The following STPG2 variants were observed in gnomAD, a reference collection of about 807,000 sequenced individuals.
The protein encoded by STPG2 is sperm tail PG-rich repeat containing 2, also known as sperm-tail PG-rich repeat-containing protein 2.
STPG2 carries 56 observed loss-of-function variants against 54.2 expected under a neutral mutation model. The ratio of observed to expected loss-of-function variants is 1.03; its 90% CI spans 0.83 to 1.29. The LOEUF (loss-of-function observed/expected upper bound fraction) is 1.29, where lower values mean the gene tolerates loss of function less well. STPG2 is among the 50% of genes most tolerant of loss of function. The pLI is 0.00. For synonymous variants in STPG2, 200 were observed against 181.8 expected (o/e 1.10, Z -0.81); for missense variants, 596 against 544.9 (o/e 1.09, Z -0.93).
intron 5 of STPG2, among the ~76,000 whole-genome samples, chr4:98,017,174 T>C (rs1735979245): frequency 6.6e-6 from 1 of 152,220 alleles, no homozygotes; most frequent in Admixed American, 6.5e-5. Flanking sequence ...GGCTTGGTGT[T>C]AGGACAGGCC....
chr4:98,107,857 C>T (rs1739231257), intron 4 of STPG2, among the ~76,000 whole-genome samples: 1 of 151,940 alleles, frequency 6.6e-6, no homozygotes, highest in Non-Finnish European at 1.5e-5. Flanking sequence ...AGAACAAAAG[C>T]ATATGTCAAG....
intron 3 of STPG2, among the ~76,000 whole-genome samples, chr4:98,115,007 A>G (rs1739477423): frequency 6.6e-6 from 1 of 151,946 alleles, no homozygotes; most frequent in South Asian, 2.1e-4. Context: ...GGTCACTGTC[A>G]ATTTTGAAAA....
At chr4:98,027,535 T>A (rs1380526947) in intron 5 of STPG2, among the ~76,000 whole-genome samples, 1 of 152,160 alleles carries the variant, frequency 6.6e-6, no homozygotes, top group Non-Finnish European at 1.5e-5. Context: ...TTCATCTCCA[T>A]CTGTAGACTT....
At chr4:98,069,977 T>C (rs984507777) in intron 5 of STPG2, among the ~76,000 whole-genome samples, 35 of 152,034 alleles carry the variant, frequency 2.3e-4, no homozygotes, top group African/African-American at 8.2e-4. Context: ...GCTAGTACCA[T>C]TTCTACTGAA....
At chr4:98,142,361 C>A (rs1387447763) in intron 1 of STPG2, among the ~76,000 whole-genome samples, 1 of 152,026 alleles carries the variant, frequency 6.6e-6, no homozygotes, top group Non-Finnish European at 1.5e-5. Context: ...CAGAAAATCA[C>A]CAGAATAGAA....
chr4:97,633,088 T>C (rs1458853115), intron 10 of STPG2, among the ~76,000 whole-genome samples: 2 of 152,150 alleles, frequency 1.3e-5, no homozygotes, highest in South Asian at 2.1e-4. Context: ...CATGTGTATA[T>C]GTACATGTGT....
intron 5 of STPG2, among the ~76,000 whole-genome samples, chr4:97,981,897 T>C (rs941143430): frequency 6.7e-6 from 1 of 149,394 alleles, no homozygotes; most frequent in South Asian, 2.1e-4. Flanking sequence ...ATCTTTTTTT[T>C]TTTTTGAGAC....
At chr4:97,990,745 TA>T (rs1734976242) in intron 5 of STPG2, among the ~76,000 whole-genome samples, 1 of 152,162 alleles carries the variant, frequency 6.6e-6, no homozygotes, top group African/African-American at 2.4e-5. Flanking sequence ...TGAAACAGGT[TA>T]TTTATGGCAT....
chr4:97,694,007 C>T (rs1280891513), intron 10 of STPG2, among the ~76,000 whole-genome samples: 1 of 152,064 alleles, frequency 6.6e-6, no homozygotes, highest in East Asian at 1.9e-4. Flanking sequence ...TGGGATACAG[C>T]AAAAGTGGTG....
At chr4:97,776,395 T>C (rs950040293) in intron 9 of STPG2, among the ~76,000 whole-genome samples, 1 of 152,234 alleles carries the variant, frequency 6.6e-6, no homozygotes, top group African/African-American at 2.4e-5. Context: ...CCAAAGTCTG[T>C]ACTTGTAACC....
At chr4:97,979,151 G>A (rs1734587413) in intron 6 of STPG2, among the ~76,000 whole-genome samples, 2 of 152,134 alleles carry the variant, frequency 1.3e-5, no homozygotes, top group African/African-American at 2.4e-5. Flanking sequence ...TATAAGAATC[G>A]TATCATCTTG....
At chr4:97,799,901 T>G (rs977832147) in intron 9 of STPG2, among the ~76,000 whole-genome samples, 1 of 152,216 alleles carries the variant, frequency 6.6e-6, no homozygotes, top group Non-Finnish European at 1.5e-5. Flanking sequence ...CTTTTTTCTC[T>G]AAACTTCTCT....
rs866835549 is a variant in STPG2 at position 97,851,125 on chromosome 4, T to C, written c.1045-10193A>G. On this transcript the variant is annotated intron_variant, in intron 8 of 10. Coordinates refer to ENST00000295268, the MANE Select transcript of STPG2 (RefSeq NM_174952.3). ...TCAGAATACACAGCTCTTAAGTTTG[T>C]AGCAGTTATTACATTTGCAATTAAA... Among the ~76,000 whole-genome samples, 5 of 152,298 alleles carry C rather than the reference T, an allele frequency of 3.3e-5. No individual in the cohort carries two copies. The Middle Eastern group carries it at 0.01, about 311-fold the overall frequency.
At chr4:98,052,986 T>C (rs1409104016) in intron 5 of STPG2, among the ~76,000 whole-genome samples, 1 of 152,082 alleles carries the variant, frequency 6.6e-6, no homozygotes, top group Non-Finnish European at 1.5e-5. Context: ...CAGAAAGAAA[T>C]CACATCAAGA....
intron 4 of STPG2, among the ~76,000 whole-genome samples, chr4:97,490,469 C>A (rs1401296658): frequency 6.6e-6 from 1 of 151,516 alleles, no homozygotes; most frequent in Non-Finnish European, 1.5e-5. Context: ...CTTCCTCCAT[C>A]CCTCCCAAAA....
At chr4:97,560,706 C>A (rs1331080293) in intron 10 of STPG2, among the ~76,000 whole-genome samples, 1 of 152,114 alleles carries the variant, frequency 6.6e-6, no homozygotes, top group Non-Finnish European at 1.5e-5. Flanking sequence ...GATTCAACAT[C>A]TGGTAGCATG....
intron 8 of STPG2, among the ~76,000 whole-genome samples, chr4:97,907,675 G>C (rs902104668): frequency 2.6e-5 from 4 of 152,120 alleles, no homozygotes; most frequent in African/African-American, 4.8e-5. Flanking sequence ...CAGAGATATA[G>C]ACCAATGGAA....
intron 10 of STPG2, among the ~76,000 whole-genome samples, chr4:97,608,536 C>T (rs1733650751): frequency 6.6e-6 from 1 of 151,928 alleles, no homozygotes; most frequent in Admixed American, 6.6e-5. Context: ...CAACAGTGTC[C>T]TGTATTTTAA....
Position 97,816,550 on chromosome 4 carries a change from A to G in STPG2, c.1204+24223T>C, listed in dbSNP as rs568528246. Among the ~76,000 whole-genome samples, 73 of 152,212 alleles carry G rather than the reference A, an allele frequency of 4.8e-4. 1 individual carries two copies. In the South Asian group the frequency reaches 0.015, roughly 32 times the overall value. On this transcript the variant is annotated intron_variant, in intron 9 of 10. Transcript: ENST00000295268. Reference sequence around the variant, plus strand: ...ACCTGTTTAAAGATCATTTCTGGATATGTCTGTGAGAGTGTTTCTGAAGAG... The same window carrying G: ...ACCTGTTTAAAGATCATTTCTGGATGTGTCTGTGAGAGTGTTTCTGAAGAG...
Sources: allele counts gnomAD v4.1 joint callset (sites outside exome capture counted in the v4.1 genomes callset), GRCh38; gene constraint gnomAD v4.1.1; transcripts MANE v1.5; gene names NCBI Gene and HGNC (gene_info 2026-07-23, HGNC 2026-07-21).